CHST8: variants seen among roughly 807,000 people sequenced by gnomAD.
The protein encoded by CHST8 is carbohydrate sulfotransferase 8, also known as GALNAC-4-ST1.
In CHST8, 10 loss-of-function variants were observed where a neutral mutation model predicts 15.0. The observed-to-expected ratio is 0.67, with a 90% CI of 0.41 to 1.13. The LOEUF (loss-of-function observed/expected upper bound fraction) is 1.13, where lower values mean the gene tolerates loss of function less well. CHST8 is among the 50% of genes most tolerant of loss of function. The probability of loss-of-function intolerance (pLI) is 0.00; values close to 1 mark genes in which losing one functional copy is unlikely to be tolerated. For missense variants in CHST8, 634 were observed against 608.2 expected (o/e 1.04, Z -0.45); for synonymous variants, 259 against 256.6 (o/e 1.01, Z -0.09).
At chr19:33,706,419 T>C (rs1221727818) in intron 3 of CHST8, among the ~76,000 whole-genome samples, 1 of 152,168 alleles carries the variant, frequency 6.6e-6, no homozygotes, top group Non-Finnish European at 1.5e-5. Flanking sequence ...ACCTCAGTAT[T>C]ACTATACACC....
In CHST8 at chr19:33,772,548, A is replaced by T. The variant is rs777039439; in HGVS notation, c.760A>T (p.Met254Leu). The change falls in exon 5 of 5, where the codon ATG (methionine) becomes TTG (leucine). Residue 254 changes from methionine (M) to leucine (L), a missense_variant. Physicochemically the swap from Met to Leu is conservative, Grantham distance 15. Coordinates refer to ENST00000650847, the MANE Select transcript of CHST8 (RefSeq NM_001127895.2). ...GCACCGTCTCAGCACCTACACCAAG[A>T]TGCTCTTTGTCCGCGAGCCCTTCGA... ...ILHRLSTYTK[M>L]LFVREPFERL... 26 of 1,614,010 alleles carry T rather than the reference A, an allele frequency of 1.6e-5. No individual in the cohort carries two copies. The highest frequency in any genetic ancestry group is 2.1e-5 in the Non-Finnish European group (25 of 1,180,006).
At chr19:33,632,144 T>C (rs1216204236) in intron 1 of CHST8, among the ~76,000 whole-genome samples, 1 of 151,100 alleles carries the variant, frequency 6.6e-6, no homozygotes, top group Admixed American at 6.6e-5. Context: ...TCTCTCTTTT[T>C]TTTTTTTTTT....
At position 33,750,912 on chromosome 19, in the gene CHST8, A is replaced by G. The variant is rs976793870; in HGVS notation, c.131-20501A>G. On this transcript the variant is annotated intron_variant, in intron 3 of 4. Transcript: ENST00000650847. Reference sequence around the variant, plus strand: ...GGCAGATGCACCCCCACCCCCACCCAGCCCTGCAACCCTCCCAGCCAAGCC... The same window carrying G: ...GGCAGATGCACCCCCACCCCCACCCGGCCCTGCAACCCTCCCAGCCAAGCC... Among the ~76,000 whole-genome samples the G allele has an allele frequency of 2.8e-5, 3 of 107,288 alleles. No homozygotes were observed. In the Admixed American group the frequency reaches 3.2e-4, roughly 11 times the overall value. The allele number at this position is 107,288 out of a possible 152,430, so 70.4% of individuals were successfully genotyped here.
At position 33,771,409 on chromosome 19, in the gene CHST8, T is replaced by G. The variant is rs750997956; in HGVS notation, c.131-4T>G. The G allele has an allele frequency of 6.2e-7, 1 of 1,614,100 alleles. No homozygotes were observed. The highest frequency in any genetic ancestry group is 1.1e-5 in the South Asian group (1 of 91,078). On this transcript the variant is annotated splice_region_variant and splice_polypyrimidine_tract_variant and intron_variant, in intron 3 of 4. Coordinates refer to ENST00000650847, the MANE Select transcript of CHST8 (RefSeq NM_001127895.2). ...TACTGTCCTCTCCTCTGTTTGCTTT[T>G]CAGGAATAAAGTTCAACATCAGGCC...
chr19:33,763,294 C>CT (rs1275007662), intron 3 of CHST8, among the ~76,000 whole-genome samples: 1 of 152,238 alleles, frequency 6.6e-6, no homozygotes, highest in Non-Finnish European at 1.5e-5. Context: ...GTCACTGTGA[C>CT]TGAGTTTGAT....
At chr19:33,748,178 T>C (rs1455069701) in intron 3 of CHST8, among the ~76,000 whole-genome samples, 2 of 152,330 alleles carry the variant, frequency 1.3e-5, no homozygotes, top group South Asian at 2.1e-4. Context: ...TCAATAGTCA[T>C]GTAGCTATGC....
intron 2 of CHST8, among the ~76,000 whole-genome samples, chr19:33,674,316 G>C (rs1484798982): frequency 6.6e-6 from 1 of 152,182 alleles, no homozygotes; most frequent in African/African-American, 2.4e-5. Context: ...ACTTCCCCCA[G>C]TCCCAATTAA....
intron 3 of CHST8, among the ~76,000 whole-genome samples, chr19:33,729,230 C>T (rs185008657): frequency 6.6e-5 from 10 of 152,352 alleles, no homozygotes; most frequent in South Asian, 2.1e-4. Flanking sequence ...TCTCATCTGA[C>T]GGCTCAACAA....
At position 33,765,201 on chromosome 19, in the gene CHST8, C is replaced by T. The variant is rs971034285; in HGVS notation, c.131-6212C>T. Among the ~76,000 whole-genome samples the T allele has an allele frequency of 4.0e-5, 6 of 151,608 alleles. 1 individual carries two copies. The South Asian group carries it at 6.2e-4, about 16-fold the overall frequency. ...CACGTGTGCAACAGCTGTGTGAAGA[C>T]GAAGCAGAGATTGATCTTCTGTTGT... On this transcript the variant is annotated intron_variant, in intron 3 of 4. Coordinates refer to ENST00000650847, the MANE Select transcript of CHST8 (RefSeq NM_001127895.2).
At chr19:33,677,021 G>C (rs1442121317) in intron 2 of CHST8, among the ~76,000 whole-genome samples, 1 of 152,142 alleles carries the variant, frequency 6.6e-6, no homozygotes, top group Admixed American at 6.5e-5. Context: ...TAGGAAATGA[G>C]CTGCTTCAAA....
At chr19:33,771,827 C>A in intron 4 of CHST8, 130 bp from the exon 5 acceptor site, 1 of 1,142,862 alleles carries the variant, frequency 8.7e-7, no homozygotes, top group Non-Finnish European at 1.2e-6. Flanking sequence ...GGGGTCTCAC[C>A]TACAGAGTCA....
chr19:33,647,833 G>A (rs985543237), intron 1 of CHST8, among the ~76,000 whole-genome samples: 1 of 151,520 alleles, frequency 6.6e-6, no homozygotes, highest in Non-Finnish European at 1.5e-5. Flanking sequence ...GCAACAGAGT[G>A]ATGCTCCGTT....
At chr19:33,680,327 G>A (rs1972869696) in intron 2 of CHST8, among the ~76,000 whole-genome samples, 1 of 152,066 alleles carries the variant, frequency 6.6e-6, no homozygotes, top group African/African-American at 2.4e-5. Context: ...CCCATTCTGG[G>A]CCTCGAGCAG....
chr19:33,722,110 T>G (rs62637985), intron 3 of CHST8, among the ~76,000 whole-genome samples: 47,702 of 108,006 alleles, frequency 0.44, 9,197 homozygotes, highest in East Asian at 0.77. Flanking sequence ...GATGGATGGA[T>G]GAAGGGATGG....
intron 1 of CHST8, among the ~76,000 whole-genome samples, chr19:33,639,723 G>A (rs559846659): frequency 2.6e-5 from 4 of 152,224 alleles, no homozygotes; most frequent in African/African-American, 9.6e-5. Flanking sequence ...TCCTCTGTAG[G>A]GGGTCCTCAA....
chr19:33,730,449 A>G lies in CHST8; in HGVS notation c.131-40964A>G, dbSNP rs576936013. Among the ~76,000 whole-genome samples the G allele has an allele frequency of 9.1e-4, 138 of 152,328 alleles. 1 individual carries two copies. The highest frequency in any genetic ancestry group is 3.0e-3 in the African/African-American group (124 of 41,582). On this transcript the variant is annotated intron_variant, in intron 3 of 4. Transcript: ENST00000650847. ...ATAATACAGGGACCACGCTAAGCTC[A>G]TTCTTTGGTCTTTTCCCCTAAGGAA...
Position 33,660,271 on chromosome 19 carries a change from T to C in CHST8, c.-163-7496T>C, listed in dbSNP as rs140243767. ...CTGCTTTTTAAGGCATGGAAGTTCT[T>C]TTCCTGACTCCTCAGCTTAACTTCC... On this transcript the variant is annotated intron_variant, in intron 1 of 4. Coordinates refer to ENST00000650847, the MANE Select transcript of CHST8 (RefSeq NM_001127895.2). Among the ~76,000 whole-genome samples, 102 of 152,360 alleles carry C rather than the reference T, an allele frequency of 6.7e-4. 1 individual carries two copies. The highest frequency in any genetic ancestry group is 2.3e-3 in the African/African-American group (94 of 41,580).
At chr19:33,633,503 C>T (rs766789486) in intron 1 of CHST8, among the ~76,000 whole-genome samples, 8 of 151,882 alleles carry the variant, frequency 5.3e-5, no homozygotes, top group South Asian at 2.1e-4. Context: ...GCCAGCCTCC[C>T]GCCTCAGCCT....
intron 3 of CHST8, among the ~76,000 whole-genome samples, chr19:33,767,338 G>C (rs866799831): frequency 1.3e-5 from 2 of 152,362 alleles, no homozygotes; most frequent in South Asian, 2.1e-4. Context: ...TGTGAGCCTA[G>C]AGAGGAGCGG....
Sources: allele counts gnomAD v4.1 joint callset (sites outside exome capture counted in the v4.1 genomes callset), GRCh38; gene constraint gnomAD v4.1.1; transcripts MANE v1.5; gene names NCBI Gene and HGNC (gene_info 2026-07-23, HGNC 2026-07-21).